The following LYPD6B variants were observed in gnomAD, a reference collection of about 807,000 sequenced individuals.
The protein encoded by LYPD6B is ly6/PLAUR domain-containing protein 6B.
In LYPD6B, 17 loss-of-function variants were observed where a neutral mutation model predicts 22.8. The ratio of observed to expected loss-of-function variants is 0.75; its 90% CI spans 0.51 to 1.12. The LOEUF is 1.12. Among genes scored for constraint, LYPD6B ranks in the 50% most tolerant of loss-of-function variants. The pLI, the probability that LYPD6B is intolerant of heterozygous loss-of-function variation, is 0.00. For missense variants in LYPD6B, 221 were observed against 258.3 expected, an observed-to-expected ratio of 0.86 and a Z score of 0.99; for synonymous variants, 106 against 91.6, an observed-to-expected ratio of 1.16 and a Z score of -0.90.
At chr2:149,179,722 C>T (rs1183927848) in intron 3 of LYPD6B, among the ~76,000 whole-genome samples, 1 of 152,240 alleles carries the variant, frequency 6.6e-6, no homozygotes, top group Non-Finnish European at 1.5e-5. Context: ...TCAGCATCCT[C>T]CATCTTGAAA....
chr2:149,182,478 C>A (rs1481743548), intron 3 of LYPD6B, among the ~76,000 whole-genome samples: 1 of 152,216 alleles, frequency 6.6e-6, no homozygotes, highest in Non-Finnish European at 1.5e-5. Flanking sequence ...GAAGTTTTGG[C>A]AATCCTCCCA....
chr2:149,100,818 G>T (rs1686169378), intron 1 of LYPD6B, among the ~76,000 whole-genome samples: 1 of 152,128 alleles, frequency 6.6e-6, no homozygotes, highest in Non-Finnish European at 1.5e-5. Context: ...TATCATGCAG[G>T]CTGAGCTGTG....
chr2:149,146,022 G>A (rs1230512609), intron 2 of LYPD6B, among the ~76,000 whole-genome samples: 3 of 152,176 alleles, frequency 2.0e-5, no homozygotes, highest in African/African-American at 7.2e-5. Flanking sequence ...AGACAGTTCT[G>A]CTGAGATAGT....
At chr2:149,168,928 T>C (rs970845182) in intron 3 of LYPD6B, among the ~76,000 whole-genome samples, 12 of 152,198 alleles carry the variant, frequency 7.9e-5, no homozygotes, top group African/African-American at 2.9e-4. Context: ...ATTTAGGTAT[T>C]ATCTAACAGA....
At chr2:149,039,018 G>A (rs1327769243) in intron 1 of LYPD6B, among the ~76,000 whole-genome samples, 1 of 151,614 alleles carries the variant, frequency 6.6e-6, no homozygotes, top group Non-Finnish European at 1.5e-5. Context: ...GCCTCGAGGC[G>A]AGCAGCTGCC....
At chr2:149,192,550 C>T (rs959598708) in intron 3 of LYPD6B, among the ~76,000 whole-genome samples, 5 of 151,814 alleles carry the variant, frequency 3.3e-5, no homozygotes, top group Non-Finnish European at 7.4e-5. Flanking sequence ...TATATCATGA[C>T]TTCATTCCCC....
chr2:149,094,689 T>C (rs1306668053), intron 1 of LYPD6B, among the ~76,000 whole-genome samples: 2 of 152,226 alleles, frequency 1.3e-5, no homozygotes, highest in Admixed American at 6.5e-5. Context: ...TAAATAGTTA[T>C]AGAAAATATG....
intron 1 of LYPD6B, among the ~76,000 whole-genome samples, chr2:149,117,619 G>C (rs970379943): frequency 6.6e-6 from 1 of 151,996 alleles, no homozygotes; most frequent in Non-Finnish European, 1.5e-5. Context: ...TATGTACCTG[G>C]TCTGTATATT....
chr2:149,070,451 A>AT (rs1300424141), intron 1 of LYPD6B, among the ~76,000 whole-genome samples: 3 of 151,984 alleles, frequency 2.0e-5, no homozygotes, highest in Non-Finnish European at 4.4e-5. Context: ...TAACCTCTTT[A>AT]TTTTATTGAT....
At chr2:149,184,082 C>T (rs926300955) in intron 3 of LYPD6B, among the ~76,000 whole-genome samples, 2 of 151,958 alleles carry the variant, frequency 1.3e-5, no homozygotes, top group African/African-American at 4.8e-5. Context: ...ATCCCAGCTA[C>T]TCGGGAGGCT....
At chr2:149,081,650 A>C (rs957702529) in intron 1 of LYPD6B, among the ~76,000 whole-genome samples, 3 of 152,132 alleles carry the variant, frequency 2.0e-5, no homozygotes. Flanking sequence ...TATCTGGATC[A>C]AGAAACAGAA....
In LYPD6B at chr2:149,173,349, C is replaced by CTTTTTTTTTTTTTTTTTTT. The variant is rs67113716; in HGVS notation, c.77+12516_77+12534dup. On this transcript the variant is annotated intron_variant, in intron 3 of 6. Coordinates refer to ENST00000409642, the MANE Select transcript of LYPD6B (RefSeq NM_177964.5). ...AGCTTGATGCTTTAGTCTGTCAGGC[C>CTTTTTTTTTTTTTTTTTTT]TTTTTTTTTTTTTTTTTTTTGCATC... Among the ~76,000 whole-genome samples, 18 of 58,484 alleles carry CTTTTTTTTTTTTTTTTTTT rather than the reference C, an allele frequency of 3.1e-4. 1 individual carries two copies. Among genetic ancestry groups the CTTTTTTTTTTTTTTTTTTT allele is most frequent in the Non-Finnish European group, 3.2e-4 (11 of 34,438 alleles). The allele number at this position is 58,484 out of a possible 152,430, so 38.4% of individuals were successfully genotyped here.
chr2:149,130,033 C>T (rs780728771), intron 1 of LYPD6B, among the ~76,000 whole-genome samples: 7 of 152,194 alleles, frequency 4.6e-5, no homozygotes, highest in Admixed American at 3.3e-4. Context: ...TAAGTGGGTA[C>T]ACCCGCCTCT....
rs1017339665 is a variant in LYPD6B, at chr2:149,205,299, C to T, written c.124C>T (p.Leu42Phe). The T allele has an allele frequency of 1.2e-6, 2 of 1,613,952 alleles. No individual in the cohort carries two copies. The highest frequency in any genetic ancestry group is 1.7e-6 in the Non-Finnish European group (2 of 1,179,838). ...RPAHKVSMLLLCHALAIAVVQ... is the reference protein window; with the variant it reads ...RPAHKVSMLLFCHALAIAVVQ... ...AGCACACAAGGTCAGCATGCTGCTC[C>T]TCTGTCACGCTCTCGCTATAGCTGT... Residue 42 changes from leucine (L) to phenylalanine (F), a missense_variant, in exon 4 of 7, where the codon CTC (leucine) becomes TTC (phenylalanine). Physicochemically the swap from Leu to Phe is conservative, Grantham distance 22 (BLOSUM62 0). Coordinates refer to ENST00000409642, the MANE Select transcript of LYPD6B (RefSeq NM_177964.5).
At position 149,048,934 on chromosome 2, in the gene LYPD6B, C is replaced by T. The variant is rs1039618433; in HGVS notation, c.-67+10133C>T. 3.9e-5 allele frequency among the ~76,000 whole-genome samples: 6 copies of T among 152,016 alleles called. No individual in the cohort carries two copies. The South Asian group carries it at 6.2e-4, about 16-fold the overall frequency. Reference sequence around the variant, plus strand: ...TGAAAAGGAAACACAGATTTTGGGCCCCAGTGTTTCAATTAATATACGTCA... The same window carrying T: ...TGAAAAGGAAACACAGATTTTGGGCTCCAGTGTTTCAATTAATATACGTCA... On this transcript the variant is annotated intron_variant, in intron 1 of 6. Transcript: ENST00000409642.
At position 149,061,532 on chromosome 2, in the gene LYPD6B, T is replaced by C. The variant is rs540273972; in HGVS notation, c.-67+22731T>C. Among the ~76,000 whole-genome samples the C allele has an allele frequency of 3.1e-4, 47 of 152,242 alleles. 2 individuals carry two copies. The highest frequency in any genetic ancestry group is 7.7e-4 in the African/African-American group (32 of 41,542). On this transcript the variant is annotated intron_variant, in intron 1 of 6. Transcript: ENST00000409642. ...CTCTCAAGTTGTCACCCTAGACAAA[T>C]GCTGGGAGAAAGGACAGGGGGAGGC... is the stretch of plus-strand genomic sequence containing the variant.
At chr2:149,171,445 C>A (rs1365223109) in intron 3 of LYPD6B, among the ~76,000 whole-genome samples, 2 of 151,926 alleles carry the variant, frequency 1.3e-5, no homozygotes. Flanking sequence ...TGCAAAATTC[C>A]CCTTCCCTTT....
At chr2:149,100,416 C>CAAAAAAAAAAAAAAAA (rs58068035) in intron 1 of LYPD6B, among the ~76,000 whole-genome samples, 2 of 67,964 alleles carry the variant, frequency 2.9e-5, no homozygotes, top group African/African-American at 1.1e-4. Context: ...TTGGCTTTGA[C>CAAAAAAAAAAAAAAAA]AAAAAAAAAA....
At chr2:149,131,666 G>A (rs1688038381) in intron 2 of LYPD6B, 1 of 152,144 alleles carries the variant, frequency 6.6e-6, no homozygotes, top group South Asian at 2.1e-4. Flanking sequence ...TGTGTGGTTG[G>A]TCAGCACCAC....
Sources: allele counts gnomAD v4.1 joint callset (sites outside exome capture counted in the v4.1 genomes callset), GRCh38; gene constraint gnomAD v4.1.1; transcripts MANE v1.5; gene names NCBI Gene and HGNC (gene_info 2026-07-23, HGNC 2026-07-21).